TMEM132B: variants seen among roughly 807,000 people sequenced by gnomAD.
The protein encoded by TMEM132B is transmembrane protein 132B.
TMEM132B carries 18 observed loss-of-function variants against 90.8 expected under a neutral mutation model. The ratio of observed to expected loss-of-function variants is 0.20; its 90% CI spans 0.14 to 0.29. TMEM132B has a LOEUF of 0.29. TMEM132B is among the 10% of genes least tolerant of loss of function. TMEM132B has a pLI of 1.00. For synonymous variants in TMEM132B, 504 were observed against 523.3 expected (o/e 0.96, Z 0.50); for missense variants, 1,096 against 1,326.8 (o/e 0.83, Z 2.70).
chr12:125,365,666 T>G (rs977992302), intron 2 of TMEM132B, among the ~76,000 whole-genome samples: 10 of 152,094 alleles, frequency 6.6e-5, no homozygotes, highest in African/African-American at 2.4e-4. Flanking sequence ...GATTTTTTTT[T>G]GCTATTTGTA....
chr12:125,255,654 T>A (rs1337193615), intron 1 of TMEM132B, among the ~76,000 whole-genome samples: 1 of 152,204 alleles, frequency 6.6e-6, no homozygotes, highest in Admixed American at 6.5e-5. Flanking sequence ...GGGCAGGGAC[T>A]GGGGATCTTG....
chr12:125,657,614 G>A lies in TMEM132B; in HGVS notation c.*2904G>A, dbSNP rs1312637728. On this transcript the variant is annotated 3_prime_UTR_variant, in exon 9 of 9. Coordinates refer to ENST00000682704, the MANE Select transcript of TMEM132B (RefSeq NM_001366854.1). ...TGGGGGTAAAGATATAAACTATTAAGCCATGAAATCTAATTTTCTGGGGAC... is the reference window on the plus strand; with the variant it reads ...TGGGGGTAAAGATATAAACTATTAAACCATGAAATCTAATTTTCTGGGGAC... The A allele has an allele frequency of 6.6e-6, 1 of 152,142 alleles. No individual in the cohort carries two copies. Among genetic ancestry groups the A allele is most frequent in the Non-Finnish European group, 1.5e-5 (1 of 68,018 alleles). The allele number at this position is 152,142 out of a possible 1,614,324, so 9.4% of individuals were successfully genotyped here. A position where few individuals can be genotyped will look rare whatever the true frequency, so the allele number is the denominator to read the frequency against.
At chr12:125,241,103 T>A (rs184291072) in intron 1 of TMEM132B, among the ~76,000 whole-genome samples, 1 of 152,258 alleles carries the variant, frequency 6.6e-6, no homozygotes, top group Admixed American at 6.5e-5. Context: ...GTCTTTTAAA[T>A]GCATATCGTA....
At chr12:125,643,956 T>G in intron 5 of TMEM132B, 120 bp from the exon 6 acceptor site, 3 of 807,570 alleles carry the variant, frequency 3.7e-6, no homozygotes, top group Non-Finnish European at 6.0e-6. Flanking sequence ...GTTCTGTTCA[T>G]TGGGTTGTTT....
chr12:125,471,062 C>T (rs1279148674), intron 3 of TMEM132B, among the ~76,000 whole-genome samples: 2 of 152,268 alleles, frequency 1.3e-5, no homozygotes, highest in Non-Finnish European at 2.9e-5. Context: ...GGGGCTGTGC[C>T]TCAGCAACTG....
chr12:125,271,232 G>A (rs986619774), intron 1 of TMEM132B, among the ~76,000 whole-genome samples: 8 of 152,182 alleles, frequency 5.3e-5, no homozygotes, highest in Admixed American at 6.5e-5. Context: ...GCTTCCTAAA[G>A]TACTGGGATG....
chr12:125,642,233 A>G (rs1886650757), intron 5 of TMEM132B, among the ~76,000 whole-genome samples: 1 of 152,218 alleles, frequency 6.6e-6, no homozygotes, highest in African/African-American at 2.4e-5. Context: ...ATTAAAAATA[A>G]GAACATGACC....
At chr12:125,270,646 T>C (rs1874814087) in intron 1 of TMEM132B, among the ~76,000 whole-genome samples, 1 of 152,168 alleles carries the variant, frequency 6.6e-6, no homozygotes, top group Non-Finnish European at 1.5e-5. Context: ...ACCTCAGGAC[T>C]GTTCACCAAA....
chr12:125,494,189 T>C (rs1425521492), intron 3 of TMEM132B, among the ~76,000 whole-genome samples: 3 of 57,780 alleles, frequency 5.2e-5, no homozygotes, highest in African/African-American at 7.2e-5. Context: ...CTCCTCCCCC[T>C]CCTCCCTGGA....
chr12:125,430,906 A>G (rs1244588051), intron 3 of TMEM132B, among the ~76,000 whole-genome samples: 1 of 152,124 alleles, frequency 6.6e-6, no homozygotes, highest in Non-Finnish European at 1.5e-5. Context: ...GGCCTCTCTG[A>G]CGAGCAGAGC....
chr12:125,561,389 G>A (rs1474761848), intron 4 of TMEM132B, among the ~76,000 whole-genome samples: 5 of 151,858 alleles, frequency 3.3e-5, no homozygotes, highest in African/African-American at 9.7e-5. Flanking sequence ...GGGGCTAGGG[G>A]AGGGATAGCA....
At chr12:125,272,976 C>T (rs2136121407) in intron 1 of TMEM132B, among the ~76,000 whole-genome samples, 1 of 152,312 alleles carries the variant, frequency 6.6e-6, no homozygotes, top group African/African-American at 2.4e-5. Flanking sequence ...TCATGGTGCC[C>T]TTTTGAACAC....
At chr12:125,630,618 G>C (rs377087397) in intron 5 of TMEM132B, among the ~76,000 whole-genome samples, 1 of 151,768 alleles carries the variant, frequency 6.6e-6, no homozygotes, top group Admixed American at 6.6e-5. Flanking sequence ...TAGGTTCAGG[G>C]GTATATGTGC....
At chr12:125,204,317 G>A (rs2136059804) in intron 1 of TMEM132B, among the ~76,000 whole-genome samples, 1 of 132,410 alleles carries the variant, frequency 7.6e-6, no homozygotes, top group South Asian at 2.6e-4. Context: ...CGTGTGCCAG[G>A]CAGGGTGCTT....
In TMEM132B at chr12:125,650,781, T is replaced by A. The variant is rs753958214; in HGVS notation, c.1742T>A (p.Phe581Tyr). Residue 581 changes from phenylalanine to tyrosine, a missense_variant, in exon 7 of 9, where the codon TTT becomes TAT. Physicochemically the swap from Phe to Tyr is conservative, Grantham distance 22. Transcript: ENST00000682704. ...GCCACAGTGCGTGTCCTCACCCAGT[T>A]TGTGGCCGAGTCACCTGACTTAGGG... is the stretch of plus-strand genomic sequence containing the variant. ...QHATVRVLTQ[F>Y]VAESPDLGQL... 6.2e-7 allele frequency: 1 copy of A among 1,614,210 alleles called. No homozygotes were observed. Among genetic ancestry groups the A allele is most frequent in the South Asian group, 1.1e-5 (1 of 91,080 alleles).
chr12:125,629,500 T>C (rs1409239134), intron 5 of TMEM132B, among the ~76,000 whole-genome samples: 1 of 152,094 alleles, frequency 6.6e-6, no homozygotes, highest in Admixed American at 6.5e-5. Flanking sequence ...TATCCTGCAA[T>C]GTTACTGGAT....
chr12:125,260,309 G>A (rs758132677), intron 1 of TMEM132B, among the ~76,000 whole-genome samples: 2 of 152,112 alleles, frequency 1.3e-5, no homozygotes, highest in Non-Finnish European at 2.9e-5. Context: ...CCAAGCTGCC[G>A]CTATGACCTA....
chr12:125,534,090 G>A (rs1001564001), intron 4 of TMEM132B, among the ~76,000 whole-genome samples: 2 of 152,172 alleles, frequency 1.3e-5, no homozygotes, highest in African/African-American at 4.8e-5. Flanking sequence ...CATATTCTGT[G>A]TGCTGGGTTT....
At chr12:125,555,517 AG>A (rs985491553) in intron 4 of TMEM132B, among the ~76,000 whole-genome samples, 2 of 135,544 alleles carry the variant, frequency 1.5e-5, no homozygotes, top group African/African-American at 5.5e-5. Context: ...AGTGTTTTGG[AG>A]AGGTTAAGTG....
Sources: gnomAD v4.1 joint callset for allele counts (sites outside exome capture counted in the v4.1 genomes callset) on GRCh38, gnomAD v4.1.1 for gene constraint, MANE v1.5 for transcripts, NCBI Gene and HGNC (gene_info 2026-07-23, HGNC 2026-07-21) for gene names.